Variants in ROBO1 observed in about 807,000 individuals in gnomAD.
The protein encoded by ROBO1 is roundabout homolog 1.
Under a neutral mutation model 195.9 loss-of-function variants are expected in ROBO1, and 149 were observed. That is an observed-to-expected ratio of 0.76 (90% CI 0.67 to 0.87). The LOEUF (loss-of-function observed/expected upper bound fraction) is 0.87. ROBO1 is among the 40% of genes least tolerant of loss of function. The pLI, the probability that ROBO1 is intolerant of heterozygous loss-of-function variation, is 0.00. For synonymous variants in ROBO1, 816 were observed against 733.2 expected, an observed-to-expected ratio of 1.11 and a Z score of -1.82; for missense variants, 1,933 against 2,068.3, an observed-to-expected ratio of 0.93 and a Z score of 1.27.
rs896148071 is a variant in ROBO1, at chr3:79,504,094, T to C, written c.88+85730A>G. Among the ~76,000 whole-genome samples the C allele has an allele frequency of 2.6e-5, 4 of 152,124 alleles. No individual in the cohort carries two copies. The South Asian group carries it at 8.3e-4, about 31-fold the overall frequency. ...GGCCATATTTTTAATATTAAAAAAT[T>C]AACAATTATAACAATAACATTTTAA... On this transcript the variant is annotated intron_variant, in intron 2 of 30. Transcript: ENST00000464233.
chr3:79,362,691 G>C (rs1368064670), intron 2 of ROBO1, among the ~76,000 whole-genome samples: 1 of 152,090 alleles, frequency 6.6e-6, no homozygotes, highest in African/African-American at 2.4e-5. Flanking sequence ...CTGAAATTCT[G>C]CCTTTTGTTA....
At chr3:79,049,382 G>T (rs1360754038) in intron 3 of ROBO1, among the ~76,000 whole-genome samples, 2 of 152,148 alleles carry the variant, frequency 1.3e-5, no homozygotes, top group African/African-American at 4.8e-5. Context: ...AAGCCTCAGA[G>T]AAATAAGGGA....
rs147404508 is a variant in ROBO1 at position 78,605,413 on chromosome 3, C to A, written c.4744+1320G>T. ...ATATATTCATCTCTTCCTACCTCCA[C>A]ATTCAGTGACTTGAAATTGGCAATT... On this transcript the variant is annotated intron_variant, in intron 29 of 30. Coordinates refer to ENST00000464233, the MANE Select transcript of ROBO1 (RefSeq NM_002941.4). Among the ~76,000 whole-genome samples, 1,380 of 152,218 alleles carry A rather than the reference C, an allele frequency of 9.1e-3. 9 individuals are homozygous for A. Among genetic ancestry groups the A allele is most frequent in the South Asian group, 0.024 (114 of 4,828 alleles).
intron 8 of ROBO1, among the ~76,000 whole-genome samples, chr3:78,709,487 C>A (rs2108001091): frequency 6.6e-6 from 1 of 152,208 alleles, no homozygotes; most frequent in African/African-American, 2.4e-5. Context: ...TACAGTTTGC[C>A]TCTTTCCTAA....
intron 3 of ROBO1, among the ~76,000 whole-genome samples, chr3:79,099,822 C>T (rs898363833): frequency 1.1e-4 from 17 of 151,624 alleles, no homozygotes; most frequent in African/African-American, 3.9e-4. Flanking sequence ...AATTACCACC[C>T]TAACTCCCAA....
intron 2 of ROBO1, among the ~76,000 whole-genome samples, chr3:79,275,640 A>G (rs994216699): frequency 6.6e-6 from 1 of 151,982 alleles, no homozygotes; most frequent in African/African-American, 2.4e-5. Context: ...GAGCAATCAG[A>G]CAAGAGAAAG....
chr3:79,567,920 T>C lies in ROBO1; in HGVS notation c.88+21904A>G, dbSNP rs72905912. 6.9e-3 allele frequency among the ~76,000 whole-genome samples: 1,049 copies of C among 152,224 alleles called. 7 individuals are homozygous for C. Among genetic ancestry groups the C allele is most frequent in the African/African-American group, 0.024 (986 of 41,554 alleles). On this transcript the variant is annotated intron_variant, in intron 2 of 30. Coordinates refer to ENST00000464233, the MANE Select transcript of ROBO1 (RefSeq NM_002941.4). ...TTCAAATTAAGAAATTGATCAAATATTGCTTTCTAAAAAAAGTATGGATTT... is the reference window on the plus strand; with the variant it reads ...TTCAAATTAAGAAATTGATCAAATACTGCTTTCTAAAAAAAGTATGGATTT...
intron 28 of ROBO1, among the ~76,000 whole-genome samples, chr3:78,609,153 T>A (rs1268598782): frequency 1.3e-5 from 2 of 152,180 alleles, no homozygotes; most frequent in Non-Finnish European, 2.9e-5. Context: ...AAACATCTAT[T>A]GCATGCTTAG....
At chr3:79,228,337 G>T (rs1441076901) in intron 2 of ROBO1, among the ~76,000 whole-genome samples, 3 of 152,098 alleles carry the variant, frequency 2.0e-5, no homozygotes, top group African/African-American at 7.2e-5. Flanking sequence ...TGTGGGAAAA[G>T]ATTAAAGGTC....
chr3:79,309,938 G>T (rs916236128), intron 2 of ROBO1, among the ~76,000 whole-genome samples: 4 of 152,146 alleles, frequency 2.6e-5, no homozygotes, highest in African/African-American at 9.7e-5. Context: ...TCTGAATCAT[G>T]TCTAAACTGC....
intron 4 of ROBO1, among the ~76,000 whole-genome samples, chr3:78,785,608 G>T (rs547180379): frequency 2.0e-5 from 3 of 151,998 alleles, no homozygotes; most frequent in Non-Finnish European, 4.4e-5. Context: ...CTTCTTAACT[G>T]AAGATAAATA....
At chr3:79,623,135 T>TCAACAACAACAACAA (rs34450942) in intron 1 of ROBO1, among the ~76,000 whole-genome samples, 1 of 150,826 alleles carries the variant, frequency 6.6e-6, no homozygotes, top group Non-Finnish European at 1.5e-5. Flanking sequence ...AACAATGGCA[T>TCAACAACAACAACAA]CAACAACAAC....
chr3:79,576,394 A>G (rs1044281625), intron 2 of ROBO1, among the ~76,000 whole-genome samples: 2 of 152,006 alleles, frequency 1.3e-5, no homozygotes, highest in African/African-American at 4.8e-5. Flanking sequence ...CCAAAATCTT[A>G]CCAGTATATA....
intron 1 of ROBO1, among the ~76,000 whole-genome samples, chr3:79,608,543 T>A (rs558791228): frequency 2.8e-4 from 42 of 152,100 alleles, no homozygotes; most frequent in African/African-American, 9.6e-4. Flanking sequence ...TGGCAGGGGA[T>A]GTTTACAAAC....
chr3:78,778,685 TA>T (rs1453300231), intron 4 of ROBO1, among the ~76,000 whole-genome samples: 1 of 152,306 alleles, frequency 6.6e-6, no homozygotes, highest in East Asian at 1.9e-4. Context: ...AACATGACCA[TA>T]ATGCCTAAAG....
intron 3 of ROBO1, among the ~76,000 whole-genome samples, chr3:79,057,171 G>T (rs1576623028): frequency 6.6e-6 from 1 of 152,136 alleles, no homozygotes; most frequent in East Asian, 1.9e-4. Context: ...TGGCTCCAAT[G>T]AAAATGCTGG....
intron 2 of ROBO1, among the ~76,000 whole-genome samples, chr3:79,566,300 T>A (rs1943088876): frequency 6.6e-6 from 1 of 152,170 alleles, no homozygotes. Context: ...TCACAGCGGA[T>A]ATTAACAAGT....
intron 8 of ROBO1, among the ~76,000 whole-genome samples, chr3:78,703,392 T>C (rs1388970009): frequency 1.3e-5 from 2 of 152,146 alleles, no homozygotes; most frequent in African/African-American, 4.8e-5. Context: ...GGGACTTCAT[T>C]AAATCTCTTG....
intron 4 of ROBO1, among the ~76,000 whole-genome samples, chr3:78,772,301 T>C (rs2083395400): frequency 6.6e-6 from 1 of 152,100 alleles, no homozygotes; most frequent in Non-Finnish European, 1.5e-5. Flanking sequence ...CATTTGACCA[T>C]GCTAACTGCA....
Sources: gnomAD v4.1 joint callset for allele counts (sites outside exome capture counted in the v4.1 genomes callset) on GRCh38, gnomAD v4.1.1 for gene constraint, MANE v1.5 for transcripts, NCBI Gene and HGNC (gene_info 2026-07-23, HGNC 2026-07-21) for gene names.